MAGI3: variants seen among roughly 807,000 people sequenced by gnomAD.
MAGI3 encodes the protein membrane-associated guanylate kinase, WW and PDZ domain-containing protein 3.
Under a neutral mutation model 121.8 loss-of-function variants are expected in MAGI3, and 43 were observed. The ratio of observed to expected loss-of-function variants is 0.35; its 90% CI spans 0.28 to 0.46. The LOEUF (loss-of-function observed/expected upper bound fraction) is 0.46. MAGI3 is among the 20% of genes least tolerant of loss of function. The probability of loss-of-function intolerance (pLI) is 1.00; values close to 1 mark genes in which losing one functional copy is unlikely to be tolerated. For missense variants in MAGI3, 1,547 were observed against 1,797.3 expected, an observed-to-expected ratio of 0.86 and a Z score of 2.52; for synonymous variants, 553 against 639.3, an observed-to-expected ratio of 0.86 and a Z score of 2.04.
Position 113,406,525 on chromosome 1 carries a change from AAAAAG to A in MAGI3, c.316+15181_316+15185del, listed in dbSNP as rs1178502540. On this transcript the variant is annotated intron_variant, in intron 1 of 20. Transcript: ENST00000307546. ...CTTTCATAAGATGATAAATGAAAAA[AAAAAG>A]AAAATAGATTTTTGAAAAGCAAATA... is the stretch of plus-strand genomic sequence containing the variant. 3.9e-5 allele frequency among the ~76,000 whole-genome samples: 6 copies of A among 152,134 alleles called. No homozygotes were observed. The East Asian group carries it at 9.7e-4, about 25-fold the overall frequency.
chr1:113,513,269 A>G (rs1215455400), intron 1 of MAGI3, among the ~76,000 whole-genome samples: 1 of 152,218 alleles, frequency 6.6e-6, no homozygotes, highest in Admixed American at 6.5e-5. Context: ...AGAATTGGAA[A>G]AAACTACTTT....
At chr1:113,656,878 C>G (rs542893760) in intron 15 of MAGI3, among the ~76,000 whole-genome samples, 88 of 152,234 alleles carry the variant, frequency 5.8e-4, no homozygotes, top group African/African-American at 2.1e-3. Context: ...CACAATTTGT[C>G]TAAGTGCTGA....
At chr1:113,671,673 C>G in intron 16 of MAGI3, 61 bp from the exon 17 acceptor site, 8 of 1,506,602 alleles carry the variant, frequency 5.3e-6, no homozygotes, top group Non-Finnish European at 7.4e-6. Context: ...TTCACAGATC[C>G]GCTTGGCCTT....
intron 16 of MAGI3, among the ~76,000 whole-genome samples, chr1:113,662,333 T>A (rs1176213875): frequency 2.0e-5 from 3 of 152,234 alleles, no homozygotes; most frequent in Admixed American, 2.0e-4. Context: ...CTCTATCATA[T>A]GGCATTCCCC....
chr1:113,661,232 C>T (rs1653771118), intron 16 of MAGI3, among the ~76,000 whole-genome samples: 1 of 152,158 alleles, frequency 6.6e-6, no homozygotes. Flanking sequence ...CATTATTTTA[C>T]CTACATGACT....
In MAGI3 at chr1:113,622,850, G is replaced by A. The variant is rs200650478; in HGVS notation, c.1216G>A (p.Gly406Ser). 8.5e-5 allele frequency: 136 copies of A among 1,598,266 alleles called. No homozygotes were observed. The highest frequency in any genetic ancestry group is 1.1e-4 in the Non-Finnish European group (130 of 1,174,536). The change falls in exon 9 of 21, where the codon GGT (glycine) becomes AGT (serine). Residue 406 changes from glycine to serine, a missense_variant. Transcript: ENST00000307546. ...HFTRDPSQLK[G>S]VLVRASLKKS... ...CACAAGAGATCCATCCCAGCTTAAA[G>A]GTGTCCTTGTTCGAGCATCACTGAA...
chr1:113,504,425 T>A (rs569983348), intron 1 of MAGI3, among the ~76,000 whole-genome samples: 1 of 152,070 alleles, frequency 6.6e-6, no homozygotes, highest in South Asian at 2.1e-4. Flanking sequence ...TTTTGGAAGA[T>A]CAAATTTAGA....
chr1:113,469,850 C>T (rs1655461021), intron 1 of MAGI3, among the ~76,000 whole-genome samples: 1 of 151,992 alleles, frequency 6.6e-6, no homozygotes, highest in African/African-American at 2.4e-5. Flanking sequence ...AATTGTAAAT[C>T]CAGTATGTTA....
chr1:113,493,660 A>G (rs934718090), intron 1 of MAGI3, among the ~76,000 whole-genome samples: 2 of 152,206 alleles, frequency 1.3e-5, no homozygotes, highest in Non-Finnish European at 2.9e-5. Context: ...AGCATCTGTA[A>G]TGAACTTCGA....
chr1:113,555,184 T>C (rs1310796162), intron 2 of MAGI3, among the ~76,000 whole-genome samples: 1 of 148,486 alleles, frequency 6.7e-6, no homozygotes, highest in East Asian at 2.0e-4. Flanking sequence ...GAAAGAGAAA[T>C]AAAGAATTTT....
intron 1 of MAGI3, among the ~76,000 whole-genome samples, chr1:113,503,557 A>G (rs1657155473): frequency 1.3e-5 from 2 of 152,060 alleles, no homozygotes; most frequent in Non-Finnish European, 2.9e-5. Context: ...ATATATGCAC[A>G]TACATTATAC....
intron 1 of MAGI3, chr1:113,404,376 A>AT (rs1241219756): frequency 6.6e-6 from 1 of 152,150 alleles, no homozygotes; most frequent in Non-Finnish European, 1.5e-5. Flanking sequence ...ATTTTCAAGA[A>AT]TTTTGTGAGT....
intron 1 of MAGI3, among the ~76,000 whole-genome samples, chr1:113,477,443 A>G (rs1168578674): frequency 6.6e-6 from 1 of 152,142 alleles, no homozygotes; most frequent in Non-Finnish European, 1.5e-5. Context: ...ATCTCTCAGC[A>G]TTTGCTTGTC....
chr1:113,585,200 T>C (rs1241213280), intron 3 of MAGI3, among the ~76,000 whole-genome samples, 187 bp from the exon 4 acceptor site: 2 of 151,954 alleles, frequency 1.3e-5, no homozygotes, highest in African/African-American at 4.8e-5. Context: ...ACTCCTGACC[T>C]CAAATGATTC....
At chr1:113,532,111 T>A (rs1658756373) in intron 1 of MAGI3, among the ~76,000 whole-genome samples, 1 of 152,162 alleles carries the variant, frequency 6.6e-6, no homozygotes, top group South Asian at 2.1e-4. Flanking sequence ...TCAGTTAAAT[T>A]GGTTTCTTCA....
Position 113,642,354 on chromosome 1 carries a change from A to T in MAGI3, c.1804A>T (p.Lys602Ter). Residue 602 changes from lysine to a stop codon, truncating the protein, a stop_gained, in exon 10 of 21, where the codon AAA (lysine) becomes TAA (stop). Coordinates refer to ENST00000307546, the MANE Select transcript of MAGI3 (RefSeq NM_001142782.2). LOFTEE classifies it high-confidence loss of function. ...TGACAGCCCTACTGGACAGAAGGTG[A>T]AAATGATACTGGATAGTCAGTGGTG... ...IADSPTGQKV[K>*]MILDSQWCQG... 6.2e-7 allele frequency: 1 copy of T among 1,614,192 alleles called. No individual in the cohort carries two copies.
At chr1:113,613,677 C>T (rs1650297867) in intron 6 of MAGI3, among the ~76,000 whole-genome samples, 1 of 152,154 alleles carries the variant, frequency 6.6e-6, no homozygotes, top group Non-Finnish European at 1.5e-5. Context: ...CATCATAGTG[C>T]ACAACAGTGG....
intron 1 of MAGI3, among the ~76,000 whole-genome samples, chr1:113,440,699 A>G (rs1324672252): frequency 1.3e-5 from 2 of 152,208 alleles, no homozygotes; most frequent in African/African-American, 4.8e-5. Context: ...ATAAAGTTAC[A>G]GAAGTGTCTT....
intron 1 of MAGI3, among the ~76,000 whole-genome samples, chr1:113,490,236 A>G (rs1442671772): frequency 6.6e-6 from 1 of 152,222 alleles, no homozygotes; most frequent in Non-Finnish European, 1.5e-5. Context: ...GCCAATGTTC[A>G]ACATTCTTAA....
Sources: gnomAD v4.1 joint callset for allele counts (sites outside exome capture counted in the v4.1 genomes callset) on GRCh38, gnomAD v4.1.1 for gene constraint, MANE v1.5 for transcripts, NCBI Gene and HGNC (gene_info 2026-07-23, HGNC 2026-07-21) for gene names.